Variants in CSMD1 observed in about 807,000 individuals in gnomAD.
The protein encoded by CSMD1 is CUB and Sushi multiple domains 1.
A neutral mutation model predicts 417.5 loss-of-function variants in CSMD1; 213 were observed. The observed-to-expected ratio is 0.51, with a 90% confidence interval of 0.46 to 0.57. The LOEUF is 0.57. Among genes scored for constraint, CSMD1 ranks in the 20% least tolerant of loss-of-function variants. The probability of loss-of-function intolerance (pLI) is 0.00; values close to 1 mark genes in which losing one functional copy is unlikely to be tolerated. For missense variants in CSMD1, 6,923 were observed against 4,529.7 expected (o/e 1.53, Z -15.17); for synonymous variants, 2,862 against 1,736.8 (o/e 1.65, Z -16.11).
chr8:4,313,235 C>G (rs1009216026), intron 3 of CSMD1, among the ~76,000 whole-genome samples: 1 of 151,970 alleles, frequency 6.6e-6, no homozygotes, highest in Non-Finnish European at 1.5e-5. Flanking sequence ...CTGAAAAAAC[C>G]TAGTTGGCTA....
chr8:3,530,477 G>A (rs377581626), intron 10 of CSMD1, among the ~76,000 whole-genome samples: 2 of 152,082 alleles, frequency 1.3e-5, no homozygotes, highest in Non-Finnish European at 2.9e-5. Context: ...CTTTCCTTCT[G>A]CTATTAAACT....
At chr8:4,016,026 G>C (rs1035678539) in intron 4 of CSMD1, among the ~76,000 whole-genome samples, 2 of 152,120 alleles carry the variant, frequency 1.3e-5, no homozygotes, top group East Asian at 1.9e-4. Flanking sequence ...TTTCAGCCTT[G>C]GACATGACAT....
At chr8:4,867,036 GT>G (rs932424135) in intron 1 of CSMD1, among the ~76,000 whole-genome samples, 3 of 151,818 alleles carry the variant, frequency 2.0e-5, no homozygotes, top group Non-Finnish European at 2.9e-5. Context: ...TTGCGTTTTT[GT>G]TTTTTGCTCA....
chr8:3,714,180 G>A (rs374540266), intron 6 of CSMD1, among the ~76,000 whole-genome samples: 2 of 149,958 alleles, frequency 1.3e-5, no homozygotes, highest in Admixed American at 1.3e-4. Flanking sequence ...TATTATATAT[G>A]TATATAATAA....
chr8:4,492,687 T>A (rs1479223905), intron 2 of CSMD1, among the ~76,000 whole-genome samples: 3 of 152,144 alleles, frequency 2.0e-5, no homozygotes. Flanking sequence ...GTAAAAGGAT[T>A]TTTGAGAATG....
At chr8:4,442,994 C>T (rs768867446) in intron 2 of CSMD1, among the ~76,000 whole-genome samples, 2 of 152,154 alleles carry the variant, frequency 1.3e-5, no homozygotes, top group Non-Finnish European at 2.9e-5. Flanking sequence ...TGCTTTAACT[C>T]TTCCATCTCC....
intron 1 of CSMD1, among the ~76,000 whole-genome samples, chr8:4,709,633 G>A (rs763259427): frequency 7.2e-5 from 11 of 152,164 alleles, no homozygotes; most frequent in Non-Finnish European, 1.0e-4. Context: ...CTGGCCAGGA[G>A]CCCAAGACTA....
At chr8:3,517,416 G>C (rs1372832120) in intron 10 of CSMD1, among the ~76,000 whole-genome samples, 1 of 152,070 alleles carries the variant, frequency 6.6e-6, no homozygotes, top group Non-Finnish European at 1.5e-5. Flanking sequence ...TCCAAGCAAA[G>C]AGAGTCCTCT....
At chr8:4,161,781 G>T (rs897006350) in intron 3 of CSMD1, among the ~76,000 whole-genome samples, 1 of 152,004 alleles carries the variant, frequency 6.6e-6, no homozygotes, top group Admixed American at 6.6e-5. Context: ...ATTTTGAATT[G>T]TGCAAAAGAA....
chr8:4,281,136 A>G (rs62478567), intron 3 of CSMD1, among the ~76,000 whole-genome samples: 17,026 of 152,242 alleles, frequency 0.11, 1,186 homozygotes, highest in Non-Finnish European at 0.16. Context: ...GGTGGCACTC[A>G]GCCCTCGGGA....
At chr8:3,891,477 TG>T (rs989937340) in intron 5 of CSMD1, among the ~76,000 whole-genome samples, 18 of 152,216 alleles carry the variant, frequency 1.2e-4, no homozygotes, top group African/African-American at 4.1e-4. Context: ...TACAGGAGTT[TG>T]AGACCACCCT....
At chr8:4,284,859 A>G (rs1424076138) in intron 3 of CSMD1, among the ~76,000 whole-genome samples, 2 of 150,742 alleles carry the variant, frequency 1.3e-5, no homozygotes, top group Non-Finnish European at 2.9e-5. Context: ...AACAAAAACA[A>G]AAAAAAACTA....
chr8:3,954,555 G>C (rs1331544357), intron 5 of CSMD1, among the ~76,000 whole-genome samples: 4 of 152,168 alleles, frequency 2.6e-5, no homozygotes, highest in Admixed American at 2.6e-4. Context: ...TTTTAGTAGA[G>C]ACGGGGTTTC....
At chr8:3,692,494 T>G (rs551290490) in intron 7 of CSMD1, among the ~76,000 whole-genome samples, 246 of 151,746 alleles carry the variant, frequency 1.6e-3, no homozygotes, top group African/African-American at 5.7e-3. Flanking sequence ...CAGGCTGGAG[T>G]GCACTGGCGC....
At chr8:3,696,971 G>A (rs1356069010) in intron 7 of CSMD1, among the ~76,000 whole-genome samples, 3 of 152,282 alleles carry the variant, frequency 2.0e-5, no homozygotes, top group East Asian at 3.9e-4. Flanking sequence ...GTTTGGGACT[G>A]TAGATCGTAG....
At chr8:4,202,486 G>T (rs142327975) in intron 3 of CSMD1, among the ~76,000 whole-genome samples, 3 of 152,110 alleles carry the variant, frequency 2.0e-5, no homozygotes, top group Non-Finnish European at 4.4e-5. Flanking sequence ...TTTTAAACTA[G>T]GTCTTCAATA....
chr8:4,982,178 A>G (rs1251904642), intron 1 of CSMD1, among the ~76,000 whole-genome samples: 4 of 152,206 alleles, frequency 2.6e-5, no homozygotes, highest in African/African-American at 9.6e-5. Flanking sequence ...CTGCCAAGCC[A>G]TGCACAGACC....
chr8:3,173,260 G>T (rs911470174), intron 37 of CSMD1, among the ~76,000 whole-genome samples: 3 of 152,090 alleles, frequency 2.0e-5, no homozygotes, highest in African/African-American at 7.2e-5. Context: ...AATAAATATT[G>T]AATGCCTAAA....
intron 1 of CSMD1, among the ~76,000 whole-genome samples, chr8:4,984,042 A>G (rs967784964): frequency 2.0e-5 from 3 of 152,210 alleles, no homozygotes; most frequent in African/African-American, 7.2e-5. Flanking sequence ...TTTGAAAGTC[A>G]GTTTGGGAGA....
Sources: gnomAD v4.1 joint callset for allele counts (sites outside exome capture counted in the v4.1 genomes callset) on GRCh38, gnomAD v4.1.1 for gene constraint, MANE v1.5 for transcripts, NCBI Gene and HGNC (gene_info 2026-07-23, HGNC 2026-07-21) for gene names.